The following MYO18B variants were observed in gnomAD, a reference collection of about 807,000 sequenced individuals.
The protein encoded by MYO18B is unconventional myosin-XVIIIb.
A neutral mutation model predicts 273.0 loss-of-function variants in MYO18B; 204 were observed. The ratio of observed to expected loss-of-function variants is 0.75; its 90% CI spans 0.67 to 0.84. The LOEUF is 0.84. MYO18B is among the 40% of genes least tolerant of loss of function. The pLI is 0.00. For synonymous variants in MYO18B, 1,330 were observed against 1,305.7 expected, an observed-to-expected ratio of 1.02 and a Z score of -0.40; for missense variants, 3,212 against 3,287.6, an observed-to-expected ratio of 0.98 and a Z score of 0.56.
chr22:25,786,133 A>G lies in MYO18B; in HGVS notation c.2376+642A>G, dbSNP rs1322450287. ...TTCTCTCGCAAATACCTTCATCACC[A>G]CCTATGCTGGGCCTGTGTTGTGTTA... On this transcript the variant is annotated intron_variant, in intron 11 of 43. Coordinates refer to ENST00000335473, the MANE Select transcript of MYO18B (RefSeq NM_032608.7). 2.0e-5 allele frequency among the ~76,000 whole-genome samples: 3 copies of G among 152,228 alleles called. No homozygotes were observed. The South Asian group carries it at 6.2e-4, about 32-fold the overall frequency.
chr22:25,958,911 T>G (rs1025261584), intron 39 of MYO18B, among the ~76,000 whole-genome samples: 4 of 152,218 alleles, frequency 2.6e-5, no homozygotes, highest in African/African-American at 7.2e-5. Flanking sequence ...CAGCCAGAGC[T>G]TTGCTTCTTT....
At chr22:25,805,976 G>A (rs1226952173) in intron 12 of MYO18B, among the ~76,000 whole-genome samples, 3 of 152,126 alleles carry the variant, frequency 2.0e-5, no homozygotes, top group Non-Finnish European at 4.4e-5. Context: ...TTTCATGTGG[G>A]ACGATTGATT....
At chr22:25,841,011 T>G (rs1240964069) in intron 17 of MYO18B, among the ~76,000 whole-genome samples, 1 of 152,260 alleles carries the variant, frequency 6.6e-6, no homozygotes, top group Non-Finnish European at 1.5e-5. Flanking sequence ...AATGAGAACA[T>G]TCAATCATCC....
chr22:25,979,717 T>A (rs1339144248), intron 39 of MYO18B, among the ~76,000 whole-genome samples: 1 of 152,188 alleles, frequency 6.6e-6, no homozygotes, highest in Non-Finnish European at 1.5e-5. Context: ...GATTTCTTTT[T>A]AAAATTTTTA....
chr22:25,831,346 T>G (rs543156175), intron 15 of MYO18B, among the ~76,000 whole-genome samples: 1 of 152,364 alleles, frequency 6.6e-6, no homozygotes, highest in African/African-American at 2.4e-5. Context: ...TGAACATCCT[T>G]GTCCACAGCA....
chr22:25,869,449 CAAAAAA>C (rs58609325), intron 22 of MYO18B, among the ~76,000 whole-genome samples: 10 of 58,098 alleles, frequency 1.7e-4, no homozygotes, highest in Middle Eastern at 8.5e-3. Context: ...TACTGTGTCT[CAAAAAA>C]AAAAAAAAAA....
chr22:26,009,922 G>A (rs1934752833), intron 42 of MYO18B, among the ~76,000 whole-genome samples: 2 of 152,050 alleles, frequency 1.3e-5, no homozygotes, highest in South Asian at 4.2e-4. Flanking sequence ...ATTTATGTAT[G>A]TTATCTTATT....
At chr22:25,972,886 G>T (rs1041683449) in intron 39 of MYO18B, among the ~76,000 whole-genome samples, 1 of 151,644 alleles carries the variant, frequency 6.6e-6, no homozygotes, top group African/African-American at 2.4e-5. Flanking sequence ...AACCTAGGAG[G>T]TGGAGGTTGC....
At chr22:25,910,741 C>T (rs2092139799) in intron 32 of MYO18B, among the ~76,000 whole-genome samples, 1 of 152,162 alleles carries the variant, frequency 6.6e-6, no homozygotes, top group Non-Finnish European at 1.5e-5. Context: ...CATCATTGAC[C>T]AGCCCTCCCT....
At chr22:26,006,862 G>A (rs1934469486) in intron 42 of MYO18B, among the ~76,000 whole-genome samples, 1 of 152,060 alleles carries the variant, frequency 6.6e-6, no homozygotes, top group African/African-American at 2.4e-5. Flanking sequence ...TTTGATGCCC[G>A]GAGGAATCCC....
At chr22:25,794,811 A>G (rs112098095) in intron 11 of MYO18B, among the ~76,000 whole-genome samples, 16 of 152,300 alleles carry the variant, frequency 1.1e-4, no homozygotes, top group African/African-American at 3.6e-4. Flanking sequence ...GCCAATGTTA[A>G]TATTATTAAA....
intron 34 of MYO18B, among the ~76,000 whole-genome samples, chr22:25,921,815 AGTGTGTGTGTGTGTGT>A (rs71191088): frequency 2.7e-4 from 35 of 130,496 alleles, no homozygotes; most frequent in South Asian, 5.4e-4. Context: ...AAATAGCAAT[AGTGTGTGTGTGTGTGT>A]GTGTGTGTGT....
In MYO18B at chr22:25,947,680, C is replaced by T. The variant is rs772928939; in HGVS notation, c.5632-32C>T. 8 of 1,573,262 alleles carry T rather than the reference C, an allele frequency of 5.1e-6. No homozygotes were observed. In the East Asian group the frequency reaches 1.6e-4, roughly 31 times the overall value. On this transcript the variant is annotated intron_variant, in intron 35 of 43. Transcript: ENST00000335473. ...TTGCTGCCCATCCCTCACCCTCTCA[C>T]CTTGCCTTGACCACTGATCTGCCTC...
chr22:25,784,648 A>G (rs900472278), intron 10 of MYO18B, among the ~76,000 whole-genome samples: 1 of 152,132 alleles, frequency 6.6e-6, no homozygotes, highest in Non-Finnish European at 1.5e-5. Flanking sequence ...ATTTGAACCA[A>G]CGTGGGATTG....
the MYO18B span, among the ~76,000 whole-genome samples, chr22:26,060,000 A>G: frequency 1.3e-5 from 2 of 152,182 alleles, no homozygotes. Context: ...AAACAACTTT[A>G]AGCATAAAAA....
rs147850924 is a variant in MYO18B, at chr22:25,806,286, C to T, written c.2521+8189C>T. The stretch of plus-strand genomic sequence containing the variant: ...ACAAGGGCACTGAACGACAACCACT[C>T]GGCTACTGTGGGCATCCCCTCTTGC... On this transcript the variant is annotated intron_variant, in intron 12 of 43. Transcript: ENST00000335473. Among the ~76,000 whole-genome samples, 428 of 152,292 alleles carry T rather than the reference C, an allele frequency of 2.8e-3. 5 individuals carry two copies. Among genetic ancestry groups the T allele is most frequent in the Non-Finnish European group, 1.8e-3 (125 of 68,024 alleles).
At chr22:25,900,922 C>T (rs779370109) in intron 29 of MYO18B, 1 of 152,198 alleles carries the variant, frequency 6.6e-6, no homozygotes, top group African/African-American at 2.4e-5. Flanking sequence ...GGGGCTGAAT[C>T]ACTCCTCCTC....
intron 42 of MYO18B, among the ~76,000 whole-genome samples, chr22:26,017,023 AATTTC>A (rs1935388208): frequency 1.4e-5 from 2 of 140,996 alleles, no homozygotes; most frequent in Admixed American, 7.0e-5. Flanking sequence ...TTATTAGGCT[AATTTC>A]CTTCCTTCCT....
chr22:25,810,547 C>T lies in MYO18B; in HGVS notation c.2521+12450C>T, dbSNP rs934452620. 2.0e-5 allele frequency among the ~76,000 whole-genome samples: 3 copies of T among 151,022 alleles called. No homozygotes were observed. In the East Asian group the frequency reaches 5.9e-4, roughly 29 times the overall value. ...CTCCCAGTTTCAAGCGATTCTCCTA[C>T]CTCAGCCTCCTGAGTAGCTGGGATT... On this transcript the variant is annotated intron_variant, in intron 12 of 43. Transcript: ENST00000335473.
Sources: allele counts gnomAD v4.1 joint callset (sites outside exome capture counted in the v4.1 genomes callset), GRCh38; gene constraint gnomAD v4.1.1; transcripts MANE v1.5; gene names NCBI Gene and HGNC (gene_info 2026-07-23, HGNC 2026-07-21).